Variants in CSMD3 observed in about 807,000 individuals in gnomAD.
CSMD3 encodes the protein CUB and Sushi multiple domains 3.
A neutral mutation model predicts 435.2 loss-of-function variants in CSMD3; 177 were observed. The ratio of observed to expected loss-of-function variants is 0.41; its 90% confidence interval spans 0.36 to 0.46. CSMD3 has a LOEUF of 0.46. CSMD3 is among the 20% of genes least tolerant of loss of function. The pLI is 0.34. For missense variants in CSMD3, 4,265 were observed against 4,504.6 expected (o/e 0.95, Z 1.52); for synonymous variants, 1,656 against 1,520.5 (o/e 1.09, Z -2.07).
At chr8:112,255,734 C>T in intron 61 of CSMD3, 1 of 345,822 alleles carries the variant, frequency 2.9e-6, no homozygotes, top group Non-Finnish European at 5.3e-6. Context: ...CATATTTGGA[C>T]TTGTTGGCTG....
intron 10 of CSMD3, among the ~76,000 whole-genome samples, chr8:112,876,861 A>T (rs1216876224): frequency 6.6e-6 from 1 of 152,142 alleles, no homozygotes; most frequent in Non-Finnish European, 1.5e-5. Context: ...ACAAAACCCC[A>T]TTGTCTCAGC....
intron 6 of CSMD3, among the ~76,000 whole-genome samples, chr8:112,976,548 T>G (rs1281542712): frequency 6.6e-6 from 1 of 152,088 alleles, no homozygotes; most frequent in African/African-American, 2.4e-5. Context: ...CTTTGAATAG[T>G]CTGCCATATC....
intron 27 of CSMD3, among the ~76,000 whole-genome samples, chr8:112,526,947 C>T (rs919235106): frequency 2.6e-5 from 4 of 151,758 alleles, no homozygotes; most frequent in Non-Finnish European, 5.9e-5. Flanking sequence ...CAAAGATACA[C>T]GTTACAAGAG....
intron 5 of CSMD3, among the ~76,000 whole-genome samples, chr8:113,092,134 C>T (rs1375017202): frequency 2.0e-5 from 3 of 152,032 alleles, no homozygotes; most frequent in Non-Finnish European, 4.4e-5. Context: ...AAGTTCCTTA[C>T]AACCTCTGAC....
intron 13 of CSMD3, among the ~76,000 whole-genome samples, chr8:112,723,037 G>GA (rs2076892548): frequency 6.8e-6 from 1 of 146,796 alleles, no homozygotes. Flanking sequence ...TTGACAAGTA[G>GA]CAAAAAAAAA....
chr8:113,310,350 A>C (rs990637745), intron 2 of CSMD3: 1 of 152,016 alleles, frequency 6.6e-6, no homozygotes, highest in Admixed American at 6.5e-5. Context: ...TCTTTAAATA[A>C]ATGGATAATA....
chr8:112,366,487 TC>T (rs954899453), intron 38 of CSMD3, among the ~76,000 whole-genome samples: 85 of 152,298 alleles, frequency 5.6e-4, no homozygotes, highest in Middle Eastern at 3.4e-3. Flanking sequence ...AACCTCTGCC[TC>T]CCGGGTTCAA....
chr8:112,297,761 T>C (rs1372923933), intron 53 of CSMD3, among the ~76,000 whole-genome samples: 1 of 152,022 alleles, frequency 6.6e-6, no homozygotes, highest in Non-Finnish European at 1.5e-5. Flanking sequence ...TGTAGAATAT[T>C]AGGTAAATAT....
chr8:112,807,197 C>T (rs1050866299), intron 12 of CSMD3, among the ~76,000 whole-genome samples: 1 of 152,126 alleles, frequency 6.6e-6, no homozygotes, highest in Non-Finnish European at 1.5e-5. Context: ...GTGACTCTGC[C>T]GTCTCCCTAG....
At chr8:112,366,369 G>A (rs78073435) in intron 38 of CSMD3, among the ~76,000 whole-genome samples, 5,757 of 152,178 alleles carry the variant, frequency 0.038, 357 homozygotes, top group African/African-American at 0.13. Context: ...GAAAGTTTCA[G>A]TGGGAAATCA....
chr8:112,326,174 G>T (rs1160572737), intron 45 of CSMD3, among the ~76,000 whole-genome samples: 1 of 152,186 alleles, frequency 6.6e-6, no homozygotes, highest in Non-Finnish European at 1.5e-5. Context: ...AGAAAAGGGT[G>T]TAATGATTGT....
chr8:113,200,232 C>A (rs1160539513), intron 3 of CSMD3, among the ~76,000 whole-genome samples: 1 of 151,596 alleles, frequency 6.6e-6, no homozygotes, highest in Non-Finnish European at 1.5e-5. Flanking sequence ...GTGGATTATA[C>A]CATATCTACC....
chr8:113,095,666 GA>G (rs1024064922), intron 5 of CSMD3, among the ~76,000 whole-genome samples: 17 of 149,664 alleles, frequency 1.1e-4, no homozygotes, highest in Admixed American at 4.7e-4. Flanking sequence ...AAAAATATCT[GA>G]AAAAAAAATC....
At chr8:112,839,820 A>G (rs1354789790) in intron 11 of CSMD3, among the ~76,000 whole-genome samples, 2 of 151,690 alleles carry the variant, frequency 1.3e-5, no homozygotes. Context: ...ATACACAACT[A>G]TAGTAGTGAT....
intron 35 of CSMD3, among the ~76,000 whole-genome samples, chr8:112,402,687 C>A (rs541982812): frequency 1.3e-5 from 2 of 152,148 alleles, no homozygotes; most frequent in Admixed American, 1.3e-4. Flanking sequence ...GAAAGTGAGG[C>A]AGAAATAATG....
In CSMD3 at chr8:112,592,893, A is replaced by G. The variant is rs1187418471; in HGVS notation, c.3716-5658T>C. On this transcript the variant is annotated intron_variant, in intron 22 of 70. Coordinates refer to ENST00000297405, the MANE Select transcript of CSMD3 (RefSeq NM_198123.2). ...CATGGAAACTGGTACATGCACTAAC[A>G]TGTAGTCTCTAGTATGATACAAGTT... 3.3e-5 allele frequency among the ~76,000 whole-genome samples: 5 copies of G among 152,288 alleles called. No individual in the cohort carries two copies. In the East Asian group the frequency reaches 9.6e-4, roughly 29 times the overall value.
chr8:113,130,018 ATAT>A (rs751612475), intron 4 of CSMD3, among the ~76,000 whole-genome samples: 7 of 152,054 alleles, frequency 4.6e-5, no homozygotes, highest in Admixed American at 1.3e-4. Flanking sequence ...TAATACTATC[ATAT>A]TATTATCAAT....
At chr8:112,764,535 G>GT (rs1195349744) in intron 13 of CSMD3, among the ~76,000 whole-genome samples, 16 of 151,290 alleles carry the variant, frequency 1.1e-4, no homozygotes, top group Admixed American at 9.9e-4. Flanking sequence ...TAGGCTCAAT[G>GT]GTAAACTTGA....
chr8:112,366,619 A>G (rs763243613), intron 38 of CSMD3, among the ~76,000 whole-genome samples: 1 of 152,054 alleles, frequency 6.6e-6, no homozygotes, highest in Non-Finnish European at 1.5e-5. Flanking sequence ...GTTCGTCTCA[A>G]CCTCCTGACC....
Sources: gnomAD v4.1 joint callset for allele counts (sites outside exome capture counted in the v4.1 genomes callset) on GRCh38, gnomAD v4.1.1 for gene constraint, MANE v1.5 for transcripts, NCBI Gene and HGNC (gene_info 2026-07-23, HGNC 2026-07-21) for gene names.